BACH2: variants seen among roughly 807,000 people sequenced by gnomAD.
BACH2 encodes the protein BACH transcriptional regulator 2.
A neutral mutation model predicts 61.8 loss-of-function variants in BACH2; 5 were observed. That is an observed-to-expected ratio of 0.08 (90% CI 0.04 to 0.17). The LOEUF is 0.17. BACH2 is among the 10% of genes least tolerant of loss of function. The probability of loss-of-function intolerance (pLI) is 1.00; values close to 1 mark genes in which losing one functional copy is unlikely to be tolerated. For synonymous variants in BACH2, 446 were observed against 440.1 expected (o/e 1.01, Z -0.17); for missense variants, 824 against 1,091.1 (o/e 0.76, Z 3.45).
chr6:89,936,412 G>T (rs1047042944), intron 8 of BACH2, among the ~76,000 whole-genome samples: 1 of 152,182 alleles, frequency 6.6e-6, no homozygotes, highest in African/African-American at 2.4e-5. Context: ...AAAGTACTGC[G>T]ATTACAGGTG....
At chr6:90,129,127 G>C (rs969557483) in intron 4 of BACH2, among the ~76,000 whole-genome samples, 1 of 152,100 alleles carries the variant, frequency 6.6e-6, no homozygotes, top group South Asian at 2.1e-4. Context: ...TAAATGACGA[G>C]TTAATGGGTG....
intron 5 of BACH2, among the ~76,000 whole-genome samples, chr6:90,015,807 T>TA (rs1182575449): frequency 1.3e-5 from 2 of 152,200 alleles, no homozygotes; most frequent in African/African-American, 2.4e-5. Flanking sequence ...TCAAGTCTTC[T>TA]AATATCTTTT....
At chr6:90,258,980 T>TC (rs1562530143) in intron 2 of BACH2, among the ~76,000 whole-genome samples, 3 of 152,198 alleles carry the variant, frequency 2.0e-5, no homozygotes, top group African/African-American at 4.8e-5. Context: ...GGGGCTTTTT[T>TC]CCCCCCCTAC....
chr6:90,118,501 C>T (rs1271371753), intron 4 of BACH2, among the ~76,000 whole-genome samples: 1 of 152,210 alleles, frequency 6.6e-6, no homozygotes, highest in Non-Finnish European at 1.5e-5. Context: ...AGCCTCTCAG[C>T]TGGTAAGAGT....
At chr6:89,975,782 T>C (rs1254375623) in intron 6 of BACH2, among the ~76,000 whole-genome samples, 6 of 152,234 alleles carry the variant, frequency 3.9e-5, no homozygotes, top group Non-Finnish European at 8.8e-5. Context: ...TGAAGTGCTT[T>C]TGTTCTCGTT....
At chr6:89,954,337 T>C (rs1460440319) in intron 6 of BACH2, among the ~76,000 whole-genome samples, 1 of 151,844 alleles carries the variant, frequency 6.6e-6, no homozygotes, top group Non-Finnish European at 1.5e-5. Flanking sequence ...AGTTTTAGGG[T>C]ACATGTGCAT....
intron 4 of BACH2, among the ~76,000 whole-genome samples, chr6:90,186,253 T>C (rs1768352034): frequency 1.3e-5 from 2 of 152,160 alleles, no homozygotes; most frequent in African/African-American, 4.8e-5. Flanking sequence ...ACACAAAAAA[T>C]GTTCCACTTA....
chr6:90,122,265 A>G (rs867533778), intron 4 of BACH2, among the ~76,000 whole-genome samples: 1 of 151,956 alleles, frequency 6.6e-6, no homozygotes, highest in African/African-American at 2.4e-5. Flanking sequence ...TTTTTGAGAA[A>G]CCTCCTCCTC....
intron 2 of BACH2, among the ~76,000 whole-genome samples, chr6:90,265,729 T>C (rs775188286): frequency 3.3e-5 from 5 of 152,206 alleles, no homozygotes; most frequent in Admixed American, 6.5e-5. Context: ...TGACTTACGT[T>C]GCAGGCATGG....
In BACH2 at chr6:89,928,116, T is replaced by G. The variant is rs1054965967; in HGVS notation, c.*4292A>C. 6.7e-6 allele frequency: 1 copy of G among 149,056 alleles called. No individual in the cohort carries two copies. The highest frequency in any genetic ancestry group is 2.5e-5 in the African/African-American group (1 of 40,754). The allele number at this position is 149,056 out of a possible 1,614,324, so 9.2% of individuals were successfully genotyped here. A position where few individuals can be genotyped will look rare whatever the true frequency, so the allele number is the denominator to read the frequency against. ...CTCATGATACAACGAACAGCTTTAT[T>G]CTTAGAAAACAAAAACAAAAACAAA... On this transcript the variant is annotated 3_prime_UTR_variant, in exon 9 of 9. Transcript: ENST00000257749.
At chr6:90,053,122 T>A (rs1402179904) in intron 5 of BACH2, among the ~76,000 whole-genome samples, 2 of 152,206 alleles carry the variant, frequency 1.3e-5, no homozygotes, top group Non-Finnish European at 2.9e-5. Flanking sequence ...TAATGCAAAC[T>A]CTGATTATCT....
chr6:89,952,768 A>G (rs1774207389), intron 6 of BACH2, among the ~76,000 whole-genome samples: 1 of 152,264 alleles, frequency 6.6e-6, no homozygotes, highest in African/African-American at 2.4e-5. Flanking sequence ...ATTTATGCAC[A>G]GCTTGCATAT....
At chr6:90,277,338 T>A (rs767775281) in intron 1 of BACH2, among the ~76,000 whole-genome samples, 5 of 152,240 alleles carry the variant, frequency 3.3e-5, no homozygotes, top group Non-Finnish European at 7.3e-5. Context: ...TATGGTGTCA[T>A]GCACAATATG....
chr6:90,166,107 T>G (rs971696158), intron 4 of BACH2, among the ~76,000 whole-genome samples: 5 of 151,968 alleles, frequency 3.3e-5, no homozygotes, highest in South Asian at 4.1e-4. Context: ...GAAACTACCA[T>G]CAGAGTGAAC....
chr6:89,978,678 T>C (rs945531437), intron 6 of BACH2, among the ~76,000 whole-genome samples: 2 of 143,140 alleles, frequency 1.4e-5, no homozygotes, highest in African/African-American at 2.6e-5. Context: ...CAGCAGAACA[T>C]TAGCTTAAGA....
intron 4 of BACH2, among the ~76,000 whole-genome samples, chr6:90,165,463 G>A (rs1031141438): frequency 6.6e-6 from 1 of 152,098 alleles, no homozygotes; most frequent in Non-Finnish European, 1.5e-5. Context: ...AATCAATATT[G>A]TGAAAATGGC....
intron 5 of BACH2, among the ~76,000 whole-genome samples, chr6:90,028,240 A>G (rs902668137): frequency 6.6e-6 from 1 of 152,236 alleles, no homozygotes; most frequent in African/African-American, 2.4e-5. Context: ...AATCCTACAC[A>G]TAATTATATA....
At chr6:90,186,593 A>G (rs751014993) in intron 4 of BACH2, among the ~76,000 whole-genome samples, 43 of 152,264 alleles carry the variant, frequency 2.8e-4, no homozygotes, top group Non-Finnish European at 5.0e-4. Flanking sequence ...GGTTATCGTA[A>G]AATATGCAGG....
chr6:90,091,444 T>G (rs1234806061), intron 4 of BACH2, among the ~76,000 whole-genome samples: 1 of 152,108 alleles, frequency 6.6e-6, no homozygotes, highest in Non-Finnish European at 1.5e-5. Context: ...ACAAACACAT[T>G]CTTCCCAAAT....
Sources: allele counts gnomAD v4.1 joint callset (sites outside exome capture counted in the v4.1 genomes callset), GRCh38; gene constraint gnomAD v4.1.1; transcripts MANE v1.5; gene names NCBI Gene and HGNC (gene_info 2026-07-23, HGNC 2026-07-21).